The following XYLT1 variants were observed in gnomAD, a reference collection of about 807,000 sequenced individuals.
The protein encoded by XYLT1 is xylosyltransferase 1, also known as beta-D-xylosyltransferase 1.
A neutral mutation model predicts 91.3 loss-of-function variants in XYLT1; 36 were observed. The observed-to-expected ratio is 0.39, with a 90% CI of 0.30 to 0.52. XYLT1 has a LOEUF of 0.52. Among genes scored for constraint, XYLT1 ranks in the 20% least tolerant of loss-of-function variants. The pLI is 0.68. For synonymous variants in XYLT1, 588 were observed against 532.0 expected (o/e 1.11, Z -1.45); for missense variants, 1,242 against 1,284.5 (o/e 0.97, Z 0.51).
Position 17,170,251 on chromosome 16 carries a change from G to C in XYLT1, c.1290-11342C>G, listed in dbSNP as rs531879253. On this transcript the variant is annotated intron_variant, in intron 5 of 11. Coordinates refer to ENST00000261381, the MANE Select transcript of XYLT1 (RefSeq NM_022166.4). ...CCCCTTGCTAGTTTCCTACCAAGCT[G>C]TGACATTTCAATTCTTACACACTTG... Among the ~76,000 whole-genome samples, 16 of 152,336 alleles carry C rather than the reference G, an allele frequency of 1.1e-4. No homozygotes were observed. The East Asian group carries it at 3.1e-3, about 29-fold the overall frequency.
intron 3 of XYLT1, among the ~76,000 whole-genome samples, chr16:17,221,792 C>T (rs1162781021): frequency 6.6e-6 from 1 of 152,138 alleles, no homozygotes; most frequent in Non-Finnish European, 1.5e-5. Flanking sequence ...AGGAAGTTGA[C>T]AGTTCCTTTG....
At position 17,246,749 on chromosome 16, in the gene XYLT1, G is replaced by C. The variant is rs116522232; in HGVS notation, c.913+12239C>G. 9.9e-3 allele frequency among the ~76,000 whole-genome samples: 1,514 copies of C among 152,274 alleles called. 27 individuals carry two copies. Among genetic ancestry groups the C allele is most frequent in the African/African-American group, 0.035 (1,450 of 41,542 alleles). Reference sequence around the variant, plus strand: ...GGTTCTCGTGTCCTAGCCCCGTGCAGGCAGGGGCTGGAGATCCAGTGGTGG... The same window carrying C: ...GGTTCTCGTGTCCTAGCCCCGTGCACGCAGGGGCTGGAGATCCAGTGGTGG... On this transcript the variant is annotated intron_variant, in intron 3 of 11. Coordinates refer to ENST00000261381, the MANE Select transcript of XYLT1 (RefSeq NM_022166.4).
chr16:17,418,772 C>G (rs140702832), intron 1 of XYLT1, among the ~76,000 whole-genome samples: 7 of 151,810 alleles, frequency 4.6e-5, no homozygotes, highest in African/African-American at 1.4e-4. Context: ...CGCTTGAGAC[C>G]TGGACATTGA....
At chr16:17,218,181 C>A (rs2032896282) in intron 3 of XYLT1, among the ~76,000 whole-genome samples, 1 of 151,930 alleles carries the variant, frequency 6.6e-6, no homozygotes, top group South Asian at 2.1e-4. Flanking sequence ...CTGCTTGAAC[C>A]CAGGGGGTGG....
chr16:17,404,926 T>C (rs2036011711), intron 1 of XYLT1, among the ~76,000 whole-genome samples: 1 of 152,200 alleles, frequency 6.6e-6, no homozygotes, highest in Non-Finnish European at 1.5e-5. Context: ...GCTGCCTCTT[T>C]GCACACCTCT....
Position 17,228,251 on chromosome 16 carries a change from T to C in XYLT1, c.914-27597A>G, listed in dbSNP as rs574111499. Among the ~76,000 whole-genome samples, 8 of 152,314 alleles carry C rather than the reference T, an allele frequency of 5.3e-5. No individual in the cohort carries two copies. In the South Asian group the frequency reaches 1.2e-3, roughly 24 times the overall value. The stretch of plus-strand genomic sequence containing the variant: ...TTTCCTAATCTAAAGGCATTCCCGA[T>C]TGACAGGATTAGTGAAGGACGACAG... On this transcript the variant is annotated intron_variant, in intron 3 of 11. Transcript: ENST00000261381.
intron 3 of XYLT1, among the ~76,000 whole-genome samples, chr16:17,206,206 A>G (rs1323969299): frequency 6.6e-6 from 1 of 152,140 alleles, no homozygotes; most frequent in Non-Finnish European, 1.5e-5. Flanking sequence ...AAAGTTTCAC[A>G]GCGGCAGCAG....
chr16:17,316,391 T>TTTTA (rs1017310453), intron 2 of XYLT1, among the ~76,000 whole-genome samples: 43 of 152,000 alleles, frequency 2.8e-4, no homozygotes, highest in African/African-American at 8.4e-4. Flanking sequence ...ACCCCCTGCT[T>TTTTA]TTTATTTATT....
chr16:17,207,685 C>T (rs1171690614), intron 3 of XYLT1, among the ~76,000 whole-genome samples: 4 of 152,190 alleles, frequency 2.6e-5, no homozygotes, highest in Non-Finnish European at 4.4e-5. Context: ...GACCCTTGCT[C>T]AGCAGCACCA....
chr16:17,428,725 A>G (rs1295445551), intron 1 of XYLT1, among the ~76,000 whole-genome samples: 1 of 152,176 alleles, frequency 6.6e-6, no homozygotes, highest in Non-Finnish European at 1.5e-5. Context: ...GCCGTGTGGT[A>G]GTTTTCCACT....
intron 5 of XYLT1, among the ~76,000 whole-genome samples, chr16:17,192,516 A>T (rs1052819395): frequency 6.6e-6 from 1 of 152,198 alleles, no homozygotes; most frequent in Admixed American, 6.5e-5. Flanking sequence ...CGGTAAATAG[A>T]ACATACGAAT....
intron 5 of XYLT1, among the ~76,000 whole-genome samples, chr16:17,195,380 C>A (rs2032403744): frequency 1.3e-5 from 2 of 152,140 alleles, no homozygotes. Flanking sequence ...GCCTTTCTGA[C>A]CTCCTGCTTA....
At chr16:17,253,986 C>CCAG (rs1174109839) in intron 3 of XYLT1, among the ~76,000 whole-genome samples, 2 of 152,164 alleles carry the variant, frequency 1.3e-5, no homozygotes, top group Non-Finnish European at 2.9e-5. Flanking sequence ...AGTTCCAGTA[C>CCAG]CAGCTCTGTC....
At chr16:17,371,432 C>T (rs1198860788) in intron 1 of XYLT1, among the ~76,000 whole-genome samples, 2 of 152,180 alleles carry the variant, frequency 1.3e-5, no homozygotes, top group African/African-American at 2.4e-5. Context: ...GGATGTTTTC[C>T]TGACTGTAAG....
intron 2 of XYLT1, among the ~76,000 whole-genome samples, chr16:17,329,453 T>G (rs1280866203): frequency 6.6e-6 from 1 of 152,242 alleles, no homozygotes; most frequent in Non-Finnish European, 1.5e-5. Context: ...CTTTTCATCT[T>G]GCTGGTTTTC....
chr16:17,423,422 T>G (rs1249670204), intron 1 of XYLT1, among the ~76,000 whole-genome samples: 1 of 152,010 alleles, frequency 6.6e-6, no homozygotes, highest in African/African-American at 2.4e-5. Context: ...AAGGCGATTG[T>G]TTTTTCCTCA....
At chr16:17,364,092 G>A (rs912236499) in intron 1 of XYLT1, among the ~76,000 whole-genome samples, 1 of 152,138 alleles carries the variant, frequency 6.6e-6, no homozygotes, top group African/African-American at 2.4e-5. Context: ...TGAGGTATTG[G>A]GGGAGGAAGG....
At chr16:17,115,287 C>CA (rs1471737613) in intron 11 of XYLT1, among the ~76,000 whole-genome samples, 15 of 117,736 alleles carry the variant, frequency 1.3e-4, no homozygotes, top group African/African-American at 5.0e-4. Flanking sequence ...CAGGACAACA[C>CA]AGACCACACA....
intron 1 of XYLT1, among the ~76,000 whole-genome samples, chr16:17,441,315 TG>T (rs1477006226): frequency 6.6e-6 from 1 of 152,202 alleles, no homozygotes; most frequent in Non-Finnish European, 1.5e-5. Flanking sequence ...TGAAATGTTT[TG>T]TTTGGCCACA....
Sources: gnomAD v4.1 joint callset for allele counts (sites outside exome capture counted in the v4.1 genomes callset) on GRCh38, gnomAD v4.1.1 for gene constraint, MANE v1.5 for transcripts, NCBI Gene and HGNC (gene_info 2026-07-23, HGNC 2026-07-21) for gene names.